Variants in RNF141 observed in about 807,000 individuals in gnomAD.
RNF141 encodes C3HC4-like zinc finger protein.
Under a neutral mutation model 27.4 loss-of-function variants are expected in RNF141, and 18 were observed. The observed-to-expected ratio is 0.66, with a 90% CI of 0.45 to 0.97. RNF141 has a LOEUF of 0.97. Ranked by LOEUF, RNF141 falls within the 50% of genes least tolerant of loss-of-function variation. The pLI, the probability that RNF141 is intolerant of heterozygous loss-of-function variation, is 0.00. For synonymous variants in RNF141, 97 were observed against 96.6 expected (o/e 1.00, Z -0.02); for missense variants, 230 against 279.4 (o/e 0.82, Z 1.26).
Position 10,519,077 on chromosome 11 carries a change from G to A in RNF141, c.499C>T (p.Leu167=). The change falls in exon 5 of 6, where the codon CTG becomes TTG. Residue 167 remains leucine, a synonymous_variant. Transcript: ENST00000265981. ...TGACAAAAGCTGTGAGCACAAGGCA[G>A]GATGAGGTCAGCCCGCCCATCCATA... The part of the protein sequence containing the change: ...ICMDGRADLI[L]PCAHSFCQKC... 3.1e-6 allele frequency: 5 copies of A among 1,614,046 alleles called. 1 individual carries two copies. Among genetic ancestry groups the A allele is most frequent in the Non-Finnish European group, 4.2e-6 (5 of 1,179,944 alleles).
rs533431509 is a variant in RNF141, at chr11:10,512,858, T to C, written c.*2058A>G. On this transcript the variant is annotated 3_prime_UTR_variant, in exon 6 of 6. Transcript: ENST00000265981. ...ACCAATGCATTAATGTTTTTATTCA[T>C]TGACTTAATCACATTTATAGTATAT... is the stretch of plus-strand genomic sequence containing the variant. 2.0e-5 allele frequency: 3 copies of C among 152,298 alleles called. No homozygotes were observed. Among genetic ancestry groups the C allele is most frequent in the South Asian group, 2.1e-4 (1 of 4,830 alleles). 9.4% of individuals were successfully genotyped at this position (152,298 alleles called of 1,614,324 possible).
At chr11:10,521,550 G>A (rs891963343) in intron 4 of RNF141, among the ~76,000 whole-genome samples, 1 of 152,104 alleles carries the variant, frequency 6.6e-6, no homozygotes, top group Non-Finnish European at 1.5e-5. Flanking sequence ...TCCATTCCCT[G>A]TTGTGCTTAT....
intron 3 of RNF141, among the ~76,000 whole-genome samples, chr11:10,530,073 A>T (rs937204128): frequency 1.3e-5 from 2 of 152,154 alleles, no homozygotes. Context: ...GAGGTGGCCT[A>T]ATAAAATTCA....
At chr11:10,527,728 G>A (rs1468088472) in intron 3 of RNF141, among the ~76,000 whole-genome samples, 1 of 152,050 alleles carries the variant, frequency 6.6e-6, no homozygotes, top group Non-Finnish European at 1.5e-5. Flanking sequence ...TGTTGTGCTT[G>A]GAATAGACTG....
At chr11:10,528,630 T>C (rs780587084) in intron 3 of RNF141, among the ~76,000 whole-genome samples, 4 of 152,208 alleles carry the variant, frequency 2.6e-5, no homozygotes, top group Non-Finnish European at 5.9e-5. Context: ...CAATGTGAGC[T>C]GAGTACTTTA....
intron 4 of RNF141, among the ~76,000 whole-genome samples, chr11:10,523,614 A>C (rs1487494006): frequency 6.6e-6 from 1 of 152,228 alleles, no homozygotes; most frequent in African/African-American, 2.4e-5. Context: ...TAAGGGTATT[A>C]TTATAAACTG....
At chr11:10,515,589 T>C (rs1849837013) in intron 5 of RNF141, 1 of 152,226 alleles carries the variant, frequency 6.6e-6, no homozygotes. Context: ...CTCGCATCAA[T>C]GGAAGATTTG....
chr11:10,531,482 C>T (rs771208043), intron 2 of RNF141, among the ~76,000 whole-genome samples: 4 of 151,778 alleles, frequency 2.6e-5, no homozygotes, highest in Non-Finnish European at 4.4e-5. Flanking sequence ...AGTCCTTGTT[C>T]AAACAATGAT....
At chr11:10,536,152 T>G (rs1850032780) in intron 1 of RNF141, among the ~76,000 whole-genome samples, 1 of 152,094 alleles carries the variant, frequency 6.6e-6, no homozygotes, top group Non-Finnish European at 1.5e-5. Flanking sequence ...TTGACCTAGT[T>G]TTGTATCAGG....
At chr11:10,531,580 C>G (rs1045720190) in intron 2 of RNF141, among the ~76,000 whole-genome samples, 13 of 152,172 alleles carry the variant, frequency 8.5e-5, no homozygotes, top group Admixed American at 2.0e-4. Flanking sequence ...ATATATAGCT[C>G]TACTGTCCTC....
chr11:10,538,544 C>T (rs1179615548), intron 1 of RNF141, among the ~76,000 whole-genome samples: 4 of 152,194 alleles, frequency 2.6e-5, no homozygotes, highest in Admixed American at 6.5e-5. Flanking sequence ...CTATGACATT[C>T]GTTAAGTCAC....
At chr11:10,534,463 C>T (rs1850016351) in intron 1 of RNF141, among the ~76,000 whole-genome samples, 2 of 129,096 alleles carry the variant, frequency 1.5e-5, no homozygotes. Context: ...ACCACTAAAG[C>T]ACATGTGCAT....
Sources: gnomAD v4.1 joint callset for allele counts (sites outside exome capture counted in the v4.1 genomes callset) on GRCh38, gnomAD v4.1.1 for gene constraint, MANE v1.5 for transcripts, NCBI Gene and HGNC (gene_info 2026-07-23, HGNC 2026-07-21) for gene names.